Variants in ACOXL observed in about 807,000 individuals in gnomAD.
The protein encoded by ACOXL is acyl-CoA oxidase like.
A neutral mutation model predicts 71.9 loss-of-function variants in ACOXL; 70 were observed. The observed-to-expected ratio is 0.97, with a 90% CI of 0.80 to 1.19. The LOEUF is 1.19. Among genes scored for constraint, ACOXL ranks in the 50% most tolerant of loss-of-function variants. ACOXL has a pLI of 0.00. For synonymous variants in ACOXL, 253 were observed against 281.6 expected (o/e 0.90, Z 1.02); for missense variants, 703 against 736.3 (o/e 0.95, Z 0.52).
intron 12 of ACOXL, among the ~76,000 whole-genome samples, chr2:110,960,903 A>G (rs1300901211): frequency 6.6e-6 from 1 of 152,220 alleles, no homozygotes; most frequent in South Asian, 2.1e-4. Flanking sequence ...GCTCTATGCC[A>G]TGGGTCTTTC....
chr2:111,038,582 T>TA (rs1369392319), intron 15 of ACOXL, among the ~76,000 whole-genome samples: 9 of 152,082 alleles, frequency 5.9e-5, no homozygotes. Flanking sequence ...ACACCAAAAG[T>TA]AAAAAAAGAA....
chr2:110,845,742 A>C (rs1400779996), intron 10 of ACOXL, among the ~76,000 whole-genome samples: 1 of 152,234 alleles, frequency 6.6e-6, no homozygotes, highest in Non-Finnish European at 1.5e-5. Context: ...AGATTCATGC[A>C]TATTGTAGAA....
intron 9 of ACOXL, among the ~76,000 whole-genome samples, chr2:110,815,314 T>C (rs112950189): frequency 4.7e-4 from 71 of 152,280 alleles, no homozygotes; most frequent in African/African-American, 1.7e-3. Flanking sequence ...GAGATTTGGG[T>C]GGAAACACAG....
intron 17 of ACOXL, among the ~76,000 whole-genome samples, chr2:111,106,861 G>T (rs1180843390): frequency 6.6e-6 from 1 of 152,186 alleles, no homozygotes; most frequent in African/African-American, 2.4e-5. Flanking sequence ...CACTGATGGG[G>T]AGGGCAGGAA....
chr2:111,027,600 G>A (rs905411123), intron 14 of ACOXL, among the ~76,000 whole-genome samples: 4 of 152,148 alleles, frequency 2.6e-5, no homozygotes, highest in African/African-American at 7.2e-5. Context: ...GATTACAGGC[G>A]TGAGCCACCG....
intron 17 of ACOXL, among the ~76,000 whole-genome samples, chr2:111,108,226 G>T (rs2069680860): frequency 6.6e-6 from 1 of 151,970 alleles, no homozygotes; most frequent in Non-Finnish European, 1.5e-5. Flanking sequence ...AATAATCATA[G>T]ACAGTTCTTT....
intron 17 of ACOXL, among the ~76,000 whole-genome samples, chr2:111,108,335 A>G (rs1354154566): frequency 1.4e-5 from 2 of 147,402 alleles, no homozygotes; most frequent in Admixed American, 6.7e-5. Flanking sequence ...AATTTTAAAA[A>G]TAGAGGTCTA....
At chr2:111,116,053 G>C (rs1175580498) in intron 17 of ACOXL, among the ~76,000 whole-genome samples, 1 of 152,048 alleles carries the variant, frequency 6.6e-6, no homozygotes, top group Non-Finnish European at 1.5e-5. Context: ...TACCAAAGTT[G>C]GTTGAGTTTC....
chr2:111,058,941 T>C (rs769084117), intron 16 of ACOXL, among the ~76,000 whole-genome samples: 28 of 152,292 alleles, frequency 1.8e-4, no homozygotes, highest in Non-Finnish European at 2.4e-4. Context: ...CTTCTAGAAC[T>C]GTAAAAATGA....
At chr2:110,916,684 G>T (rs1047535676) in intron 11 of ACOXL, among the ~76,000 whole-genome samples, 1 of 151,966 alleles carries the variant, frequency 6.6e-6, no homozygotes, top group Admixed American at 6.6e-5. Context: ...AAGAAGAAAA[G>T]AAAAGAATCA....
intron 9 of ACOXL, among the ~76,000 whole-genome samples, chr2:110,837,434 A>C (rs566389929): frequency 6.6e-6 from 1 of 152,142 alleles, no homozygotes; most frequent in African/African-American, 2.4e-5. Flanking sequence ...CTTTCTTTAA[A>C]AAAATTATAA....
intron 3 of ACOXL, among the ~76,000 whole-genome samples, chr2:110,788,699 C>T (rs925890681): frequency 1.9e-4 from 29 of 152,132 alleles, no homozygotes; most frequent in African/African-American, 5.6e-4. Flanking sequence ...CTATGCTGTC[C>T]CACACATCAG....
At chr2:111,091,050 T>A (rs1319290866) in intron 16 of ACOXL, among the ~76,000 whole-genome samples, 2 of 152,166 alleles carry the variant, frequency 1.3e-5, no homozygotes, top group African/African-American at 4.8e-5. Context: ...AGGATCCCCC[T>A]GCTCCCTGCT....
At chr2:110,964,565 G>T (rs1473349736) in intron 12 of ACOXL, among the ~76,000 whole-genome samples, 2 of 152,192 alleles carry the variant, frequency 1.3e-5, no homozygotes, top group Non-Finnish European at 2.9e-5. Flanking sequence ...CACAAACCAA[G>T]ATGGCACAGC....
chr2:111,097,250 C>T lies in ACOXL; in HGVS notation c.1542+4284C>T, dbSNP rs562448769. 4.1e-4 allele frequency among the ~76,000 whole-genome samples: 63 copies of T among 152,208 alleles called. 1 individual carries two copies. Among genetic ancestry groups the T allele is most frequent in the African/African-American group, 1.5e-3 (63 of 41,526 alleles). On this transcript the variant is annotated intron_variant, in intron 17 of 17. Coordinates refer to ENST00000439055, the MANE Select transcript of ACOXL (RefSeq NM_001142807.4). ...AAAGTTGGAAAAAAAAATCTAGCCC[C>T]CTGTTCTCAGAAATAGAAAGTTGCT...
intron 10 of ACOXL, among the ~76,000 whole-genome samples, chr2:110,870,980 G>A (rs1446571119): frequency 2.6e-5 from 4 of 152,196 alleles, no homozygotes; most frequent in Non-Finnish European, 5.9e-5. Flanking sequence ...AATCGTCCCA[G>A]TGTTGGAAAA....
chr2:110,772,654 A>C (rs909178881), intron 2 of ACOXL, among the ~76,000 whole-genome samples: 1 of 151,512 alleles, frequency 6.6e-6, no homozygotes, highest in Admixed American at 6.6e-5. Flanking sequence ...TCTCACCCAG[A>C]GCTCTGGTTT....
At chr2:111,001,960 C>CA (rs1171630375) in intron 14 of ACOXL, among the ~76,000 whole-genome samples, 1 of 152,230 alleles carries the variant, frequency 6.6e-6, no homozygotes, top group Admixed American at 6.5e-5. Flanking sequence ...CTCCTGTAGT[C>CA]ACGCCCTCAT....
chr2:110,739,378 A>T (rs1677234577), intron 1 of ACOXL, among the ~76,000 whole-genome samples: 1 of 152,236 alleles, frequency 6.6e-6, no homozygotes, highest in Admixed American at 6.5e-5. Flanking sequence ...GAGACCTTGG[A>T]GGCCCCAGGC....
Sources: allele counts gnomAD v4.1 joint callset (sites outside exome capture counted in the v4.1 genomes callset), GRCh38; gene constraint gnomAD v4.1.1; transcripts MANE v1.5; gene names NCBI Gene and HGNC (gene_info 2026-07-23, HGNC 2026-07-21).